Variants in ZNF516 observed in about 807,000 individuals in gnomAD.
ZNF516 encodes the protein zinc finger protein 516.
Under a neutral mutation model 79.7 loss-of-function variants are expected in ZNF516, and 19 were observed. That is an observed-to-expected ratio of 0.24 (90% CI 0.17 to 0.35). The LOEUF (loss-of-function observed/expected upper bound fraction) is 0.35, where lower values mean the gene tolerates loss of function less well. Ranked by LOEUF, ZNF516 falls within the 10% of genes least tolerant of loss-of-function variation. ZNF516 has a pLI of 1.00. For synonymous variants in ZNF516, 877 were observed against 739.5 expected (o/e 1.19, Z -3.02); for missense variants, 1,678 against 1,679.5 (o/e 1.00, Z 0.02).
intron 3 of ZNF516, among the ~76,000 whole-genome samples, chr18:76,437,660 T>C (rs1032237114): frequency 6.6e-6 from 1 of 152,116 alleles, no homozygotes; most frequent in African/African-American, 2.4e-5. Flanking sequence ...CTGGTGTAAA[T>C]GCCTGCGTGT....
chr18:76,422,082 A>T (rs2075515980), intron 3 of ZNF516, among the ~76,000 whole-genome samples: 1 of 152,252 alleles, frequency 6.6e-6, no homozygotes, highest in Non-Finnish European at 1.5e-5. Flanking sequence ...AATCCCAGAA[A>T]AATTCAGCCA....
intron 6 of ZNF516, among the ~76,000 whole-genome samples, chr18:76,363,929 G>A (rs913850732): frequency 4.6e-5 from 7 of 152,194 alleles, no homozygotes; most frequent in Non-Finnish European, 7.3e-5. Context: ...GTGAACACAG[G>A]TGCTGTGTGT....
At chr18:76,462,387 A>T (rs777895533) in intron 2 of ZNF516, among the ~76,000 whole-genome samples, 2 of 152,238 alleles carry the variant, frequency 1.3e-5, no homozygotes, top group Non-Finnish European at 2.9e-5. Context: ...AGTCCAACAC[A>T]GGCACTCCTC....
At chr18:76,413,996 A>T (rs2075402777) in intron 3 of ZNF516, among the ~76,000 whole-genome samples, 1 of 152,250 alleles carries the variant, frequency 6.6e-6, no homozygotes, top group Non-Finnish European at 1.5e-5. Context: ...TTTTTTAAAC[A>T]AACATTGGAA....
intron 1 of ZNF516, among the ~76,000 whole-genome samples, chr18:76,465,467 G>A (rs1041249312): frequency 9.9e-5 from 15 of 152,210 alleles, no homozygotes; most frequent in East Asian, 1.9e-4. Context: ...CTGACCCTGC[G>A]GCGTCCTTGG....
At position 76,441,414 on chromosome 18, in the gene ZNF516, G is replaced by A. The variant is rs370726018; in HGVS notation, c.1641C>T (p.Asp547=). ...AGCGGGCCCGCGCCGCCCTGTCCCC[G>A]TCACTGTCCCTCTCGCGGCGCGCGC... The part of the protein sequence containing the change: ...HRRARRERDS[D]GDRAARARCG... The change falls in exon 3 of 7, where the codon GAC becomes GAT. Residue 547 remains aspartate (D), a synonymous_variant. Coordinates refer to ENST00000443185, the MANE Select transcript of ZNF516 (RefSeq NM_014643.4). The A allele has an allele frequency of 1.4e-5, 22 of 1,608,552 alleles. No individual in the cohort carries two copies. The highest frequency in any genetic ancestry group is 1.9e-5 in the Non-Finnish European group (22 of 1,178,392).
rs1483232044 is a variant in ZNF516, at chr18:76,359,776, G to A, written c.*2722C>T. ...GATCGGGAGAGGTAGTAGAAAGTCT[G>A]TAACAGTCAGAAGACAACGTACAGA... On this transcript the variant is annotated 3_prime_UTR_variant, in exon 7 of 7. Coordinates refer to ENST00000443185, the MANE Select transcript of ZNF516 (RefSeq NM_014643.4). 1 of 152,062 alleles carries A rather than the reference G, an allele frequency of 6.6e-6. No homozygotes were observed. Among genetic ancestry groups the A allele is most frequent in the African/African-American group, 2.4e-5 (1 of 41,412 alleles). The allele number at this position is 152,062 out of a possible 1,614,324, so 9.4% of individuals were successfully genotyped here.
intron 1 of ZNF516, among the ~76,000 whole-genome samples, chr18:76,473,903 T>TGTGTGTGTGTG (rs58634236): frequency 3.7e-5 from 2 of 54,170 alleles, no homozygotes; most frequent in Non-Finnish European, 6.4e-5. Context: ...TGTTTTTGTG[T>TGTGTGTGTGTG]GGGGGGGGGG....
intron 3 of ZNF516, among the ~76,000 whole-genome samples, chr18:76,408,937 G>A (rs553146912): frequency 4.6e-5 from 7 of 152,218 alleles, no homozygotes; most frequent in East Asian, 1.9e-4. Context: ...CTGAGGTTCC[G>A]CCCCCACTCA....
intron 3 of ZNF516, among the ~76,000 whole-genome samples, chr18:76,392,433 C>T (rs569427265): frequency 1.1e-4 from 17 of 151,962 alleles, no homozygotes; most frequent in East Asian, 3.9e-4. Flanking sequence ...CAGGAAGTAG[C>T]GCAGCCTGGG....
chr18:76,377,553 C>G (rs981412208), intron 4 of ZNF516, among the ~76,000 whole-genome samples: 1 of 152,246 alleles, frequency 6.6e-6, no homozygotes, highest in Non-Finnish European at 1.5e-5. Flanking sequence ...CCAGCACCCA[C>G]TGGGACACTG....
At chr18:76,408,017 T>C (rs1440111272) in intron 3 of ZNF516, among the ~76,000 whole-genome samples, 2 of 152,204 alleles carry the variant, frequency 1.3e-5, no homozygotes, top group African/African-American at 4.8e-5. Context: ...CTGTCCTCTG[T>C]AGTTTTGGCA....
At chr18:76,402,942 G>A (rs867775882) in intron 3 of ZNF516, among the ~76,000 whole-genome samples, 5 of 152,236 alleles carry the variant, frequency 3.3e-5, no homozygotes, top group Non-Finnish European at 7.3e-5. Flanking sequence ...CAGAGTCGAA[G>A]CTAGTCGAAG....
Position 76,441,453 on chromosome 18 carries a change from T to C in ZNF516, c.1602A>G (p.Ser534=), listed in dbSNP as rs761126926. ...CGCGGCGCGCGCGGCGATGCACGCG[T>C]GAGTGCAGCACCATCTGATGATAGG... The part of the protein sequence containing the change: ...FRTYHQMVLH[S]RVHRRARRER... The change falls in exon 3 of 7, where the codon TCA becomes TCG. Residue 534 remains serine, a synonymous_variant. Coordinates refer to ENST00000443185, the MANE Select transcript of ZNF516 (RefSeq NM_014643.4). The C allele has an allele frequency of 6.2e-7, 1 of 1,605,992 alleles. No individual in the cohort carries two copies. Among genetic ancestry groups the C allele is most frequent in the Non-Finnish European group, 8.5e-7 (1 of 1,177,602 alleles).
intron 1 of ZNF516, among the ~76,000 whole-genome samples, chr18:76,468,962 C>CA (rs1913664365): frequency 6.6e-6 from 1 of 152,186 alleles, no homozygotes; most frequent in African/African-American, 2.4e-5. Context: ...CACTAAACCA[C>CA]ACTGCTACAA....
At chr18:76,374,449 GTTC>G (rs1162598748) in intron 4 of ZNF516, among the ~76,000 whole-genome samples, 2 of 152,192 alleles carry the variant, frequency 1.3e-5, no homozygotes, top group Non-Finnish European at 2.9e-5. Flanking sequence ...GGTAGCAATA[GTTC>G]TTTCCTTCCT....
chr18:76,406,617 G>A (rs766517393), intron 3 of ZNF516, among the ~76,000 whole-genome samples: 9 of 152,112 alleles, frequency 5.9e-5, no homozygotes, highest in Non-Finnish European at 1.0e-4. Flanking sequence ...CGACAGCCGC[G>A]CTCCACATCT....
chr18:76,375,166 C>G (rs1446278343), intron 4 of ZNF516, among the ~76,000 whole-genome samples: 1 of 152,208 alleles, frequency 6.6e-6, no homozygotes, highest in Non-Finnish European at 1.5e-5. Flanking sequence ...AATAGTCTGA[C>G]CACACCAAGG....
At position 76,467,003 on chromosome 18, in the gene ZNF516, CA is replaced by C. The variant is rs1337501962; in HGVS notation, c.-271-3863del. On this transcript the variant is annotated intron_variant, in intron 1 of 6. Transcript: ENST00000443185. This position sits in a 1 kb window ranked among gnomAD's most constrained non-coding sequence, Gnocchi z 4.2. ...GGTGCAGGCAAAGGGCCCTGGGAGG[CA>C]GGGGGGCCCCAGAGAGGCAAAACCC... 6.6e-6 allele frequency among the ~76,000 whole-genome samples: 1 copy of C among 152,164 alleles called. No homozygotes were observed.
Sources: gnomAD v4.1 joint callset for allele counts (sites outside exome capture counted in the v4.1 genomes callset) on GRCh38, gnomAD v4.1.1 for gene constraint, Gnocchi (gnomAD v3.1) non-coding constraint, MANE v1.5 for transcripts, NCBI Gene and HGNC (gene_info 2026-07-23, HGNC 2026-07-21) for gene names.